HOXD11: variants seen among roughly 807,000 people sequenced by gnomAD.
The protein encoded by HOXD11 is homeobox D11, also known as homeobox protein Hox-D11.
In HOXD11, 16 loss-of-function variants were observed where a neutral mutation model predicts 23.1. That is an observed-to-expected ratio of 0.69 (90% CI 0.47 to 1.05). The LOEUF is 1.05. Ranked by LOEUF, HOXD11 falls within the 50% of genes least tolerant of loss-of-function variation. The pLI is 0.00. For synonymous variants in HOXD11, 262 were observed against 224.4 expected (o/e 1.17, Z -1.50); for missense variants, 564 against 495.6 (o/e 1.14, Z -1.31).
downstream of HOXD11, among the ~76,000 whole-genome samples, chr2:176,112,735 C>T (rs566394248): frequency 1.2e-4 from 18 of 152,350 alleles, no homozygotes; most frequent in African/African-American, 3.6e-4. Context: ...CAAGGCGGCC[C>T]CAGCGGCTGC....
chr2:176,107,715 C>T lies in HOXD11; in HGVS notation c.360C>T (p.Ala120=), dbSNP rs1044724449. ...AAAAAAAAAA[A]EEAAMQRELL... Reference sequence around the variant, plus strand: ...CGGCGGCTGCGGCGGCCGCGGCGGCCGAGGAGGCGGCCATGCAACGCGAGC... The same window carrying T: ...CGGCGGCTGCGGCGGCCGCGGCGGCTGAGGAGGCGGCCATGCAACGCGAGC... The change falls in exon 1 of 2, where the codon GCC becomes GCT. Residue 120 remains alanine, a synonymous_variant. Transcript: ENST00000249504. 3.1e-4 allele frequency: 342 copies of T among 1,110,478 alleles called. No individual in the cohort carries two copies. Among genetic ancestry groups the T allele is most frequent in the Non-Finnish European group, 3.7e-4 (336 of 914,012 alleles). 68.8% of individuals were successfully genotyped at this position (1,110,478 alleles called of 1,614,324 possible).
the HOXD11 span, among the ~76,000 whole-genome samples, chr2:176,114,765 T>A: frequency 1.5e-4 from 23 of 152,298 alleles, no homozygotes; most frequent in Admixed American, 3.3e-4. Context: ...CAAAGAAATG[T>A]TCTATTGAGG....
Position 176,109,227 on chromosome 2 carries a change from G to C in HOXD11, c.*85G>C. 1.2e-6 allele frequency: 1 copy of C among 816,292 alleles called. No homozygotes were observed. The highest frequency in any genetic ancestry group is 2.1e-6 in the Non-Finnish European group (1 of 483,046). The allele number at this position is 816,292 out of a possible 1,614,324, so 50.6% of individuals were successfully genotyped here. On this transcript the variant is annotated 3_prime_UTR_variant, in exon 2 of 2. Coordinates refer to ENST00000249504, the MANE Select transcript of HOXD11 (RefSeq NM_021192.3). ...GCTCTCCGCAGGCCCACTGTCCTTG[G>C]GTTTAATGACGTCTCTTCTCTGTGG... is the stretch of plus-strand genomic sequence containing the variant.
chr2:176,111,466 A>G (rs1689671207), downstream of HOXD11: 1 of 151,836 alleles, frequency 6.6e-6, no homozygotes, highest in Non-Finnish European at 1.5e-5. Context: ...TCTGTCCAAC[A>G]CTGGATTCTA....
In HOXD11 at chr2:176,107,639, G is replaced by A. The variant is rs1183124539; in HGVS notation, c.284G>A (p.Gly95Glu). ...GGCAGCAGCGGGGGCGGCCCCGGCG[G>A]GGGCGGCGGCGGCGCGGGGGGCTAC... ...GGGSSGGGPG[G>E]GGGGAGGYAP... The change falls in exon 1 of 2, where the codon GGG (glycine) becomes GAG (glutamate). Residue 95 changes from glycine (G) to glutamate (E), a missense_variant. Physicochemically the swap from Gly to Glu is moderately conservative, Grantham distance 98. Coordinates refer to ENST00000249504, the MANE Select transcript of HOXD11 (RefSeq NM_021192.3). 2.9e-5 allele frequency: 28 copies of A among 978,716 alleles called. No homozygotes were observed. Among genetic ancestry groups the A allele is most frequent in the Non-Finnish European group, 3.4e-5 (28 of 825,142 alleles). The allele number at this position is 978,716 out of a possible 1,614,324, so 60.6% of individuals were successfully genotyped here. A position where few individuals can be genotyped will look rare whatever the true frequency, so the allele number is the denominator to read the frequency against.
At chr2:176,114,531 G>GA (rs769841587), downstream of HOXD11, among the ~76,000 whole-genome samples, 277 of 152,214 alleles carry the variant, frequency 1.8e-3, 4 homozygotes, top group East Asian at 9.6e-4. Context: ...TTGCCACCGC[G>GA]GAGTTTTTTA....
In HOXD11 at chr2:176,108,943, A is replaced by G; in HGVS notation, c.818A>G (p.Tyr273Cys). ...PQRSRKKRCPYTKYQIRELER... is the reference protein window; with the variant it reads ...PQRSRKKRCPCTKYQIRELER... ...CGGTCCCGGAAAAAGCGCTGTCCCT[A>G]TACCAAGTACCAGATCCGCGAACTG... Residue 273 changes from tyrosine (Y) to cysteine (C), a missense_variant, in exon 2 of 2, where the codon TAT (tyrosine) becomes TGT (cysteine). Tyr to Cys is a radical substitution (Grantham distance 194). Coordinates refer to ENST00000249504, the MANE Select transcript of HOXD11 (RefSeq NM_021192.3). 6.8e-6 allele frequency: 11 copies of G among 1,614,090 alleles called. No homozygotes were observed. Among genetic ancestry groups the G allele is most frequent in the Non-Finnish European group, 9.3e-6 (11 of 1,179,978 alleles).
downstream of HOXD11, among the ~76,000 whole-genome samples, chr2:176,114,734 G>T (rs1157535312): frequency 6.6e-6 from 1 of 152,204 alleles, no homozygotes; most frequent in African/African-American, 2.4e-5. Context: ...ATGCTGAGGC[G>T]CTTTAATGAA....
chr2:176,113,044 C>A (rs1689699490), downstream of HOXD11, among the ~76,000 whole-genome samples: 1 of 152,230 alleles, frequency 6.6e-6, no homozygotes, highest in Non-Finnish European at 1.5e-5. Flanking sequence ...TCTCCGGCCG[C>A]CGGCCCTTGT....
In HOXD11 at chr2:176,107,582, G is replaced by A; in HGVS notation, c.227G>A (p.Arg76His). The A allele has an allele frequency of 8.0e-7, 1 of 1,256,120 alleles. No individual in the cohort carries two copies. The highest frequency in any genetic ancestry group is 1.0e-6 in the Non-Finnish European group (1 of 958,344). The allele number at this position is 1,256,120 out of a possible 1,614,324, so 77.8% of individuals were successfully genotyped here. The change falls in exon 1 of 2, where the codon CGC (arginine) becomes CAC (histidine). Residue 76 changes from arginine to histidine, a missense_variant. Coordinates refer to ENST00000249504, the MANE Select transcript of HOXD11 (RefSeq NM_021192.3). ...CTGGAGCGCGCCAAGTGGCCGTACCGCGGCGGCGGCGGCGGCGGCAGCGCG... is the reference window on the plus strand; with the variant it reads ...CTGGAGCGCGCCAAGTGGCCGTACCACGGCGGCGGCGGCGGCGGCAGCGCG... ...YGLERAKWPY[R>H]GGGGGGSAGG...
chr2:176,110,272 G>A (rs1370277637), downstream of HOXD11, among the ~76,000 whole-genome samples: 2 of 152,226 alleles, frequency 1.3e-5, no homozygotes, highest in African/African-American at 4.8e-5. Flanking sequence ...TGCAGGGCCA[G>A]GCCAGGCTGT....
At position 176,107,958 on chromosome 2, in the gene HOXD11, G is replaced by T; in HGVS notation, c.603G>T (p.Pro201=). ...AGPQPPPPPA[P]PQPEGAADKG... is the part of the protein sequence containing the mutation. ...CGCAGCCCCCGCCGCCACCCGCGCC[G>T]CCACAGCCCGAGGGCGCAGCCGACA... The change falls in exon 1 of 2, where the codon CCG becomes CCT. Residue 201 remains proline (P), a synonymous_variant. Transcript: ENST00000249504. 2 of 1,399,264 alleles carry T rather than the reference G, an allele frequency of 1.4e-6. No individual in the cohort carries two copies. The highest frequency in any genetic ancestry group is 1.8e-6 in the Non-Finnish European group (2 of 1,081,814). 86.7% of individuals were successfully genotyped at this position (1,399,264 alleles called of 1,614,324 possible).
At position 176,107,416 on chromosome 2, in the gene HOXD11, T is replaced by C; in HGVS notation, c.61T>C (p.Tyr21His). ...CAGCATGTACCTGCCGGGCTGCGCC[T>C]ACTATGTGGCCCCGTCTGACTTCGC... ...AASMYLPGCA[Y>H]YVAPSDFASK... The change falls in exon 1 of 2, where the codon TAC becomes CAC. Residue 21 changes from tyrosine to histidine, a missense_variant. Transcript: ENST00000249504. 6.2e-7 allele frequency: 1 copy of C among 1,613,816 alleles called. No homozygotes were observed. The highest frequency in any genetic ancestry group is 1.3e-5 in the African/African-American group (1 of 75,040).
chr2:176,114,702 G>A (rs1477090521), downstream of HOXD11, among the ~76,000 whole-genome samples: 3 of 152,194 alleles, frequency 2.0e-5, no homozygotes, highest in Non-Finnish European at 4.4e-5. Context: ...AAAGGAGCGG[G>A]CGGGCTACTA....
rs1689649002 is a variant in HOXD11 at position 176,109,731 on chromosome 2, A to C, written c.*589A>C. 1 of 185,096 alleles carries C rather than the reference A, an allele frequency of 5.4e-6. No homozygotes were observed. Among genetic ancestry groups the C allele is most frequent in the Middle Eastern group, 1.9e-3 (1 of 538 alleles). 11.5% of individuals were successfully genotyped at this position (185,096 alleles called of 1,614,324 possible). A position where few individuals can be genotyped will look rare whatever the true frequency, so the allele number is the denominator to read the frequency against. Reference sequence around the variant, plus strand: ...TTAGTGGCCAGAACCCATGCAACTGAAAATCGAATGAAATACTTTTTAGTC... The same window carrying C: ...TTAGTGGCCAGAACCCATGCAACTGCAAATCGAATGAAATACTTTTTAGTC... On this transcript the variant is annotated 3_prime_UTR_variant, in exon 2 of 2. Transcript: ENST00000249504.
downstream of HOXD11, among the ~76,000 whole-genome samples, chr2:176,114,664 C>CA (rs1285728052): frequency 4.0e-5 from 6 of 151,854 alleles, no homozygotes; most frequent in African/African-American, 1.5e-4. Context: ...GGAAGAGGGA[C>CA]AAAGGGTTTT....
At chr2:176,110,848 T>G (rs148103567), downstream of HOXD11, among the ~76,000 whole-genome samples, 122 of 152,310 alleles carry the variant, frequency 8.0e-4, no homozygotes, top group African/African-American at 2.5e-3. Flanking sequence ...TGTAATGCAA[T>G]AGCAGTCAAC....
chr2:176,115,027 C>T, the HOXD11 span, among the ~76,000 whole-genome samples: 2 of 152,288 alleles, frequency 1.3e-5, no homozygotes, highest in Non-Finnish European at 2.9e-5. Context: ...TAAAGCTCCC[C>T]GCTGCTGCCC....
downstream of HOXD11, among the ~76,000 whole-genome samples, chr2:176,111,894 A>C (rs538854141): frequency 2.0e-5 from 3 of 147,266 alleles, no homozygotes; most frequent in Admixed American, 6.9e-5. Flanking sequence ...GGATGATTAA[A>C]AGGCTTTTGT....
Sources: allele counts gnomAD v4.1 joint callset (sites outside exome capture counted in the v4.1 genomes callset), GRCh38; gene constraint gnomAD v4.1.1; transcripts MANE v1.5; gene names NCBI Gene and HGNC (gene_info 2026-07-23, HGNC 2026-07-21).